GPC6: variants seen among roughly 807,000 people sequenced by gnomAD.
GPC6 encodes glypican-6.
A neutral mutation model predicts 55.2 loss-of-function variants in GPC6; 14 were observed. That is an observed-to-expected ratio of 0.25 (90% CI 0.17 to 0.40). GPC6 has a LOEUF of 0.40. Among genes scored for constraint, GPC6 ranks in the 10% least tolerant of loss-of-function variants. The pLI is 1.00. For missense variants in GPC6, 641 were observed against 708.5 expected (o/e 0.90, Z 1.08); for synonymous variants, 278 against 259.6 (o/e 1.07, Z -0.68).
Position 93,902,183 on chromosome 13 carries a change from T to A in GPC6, c.711+71638T>A, listed in dbSNP as rs9589865. ...CTTATCCCTCCAGCCTAACTGTAAC[T>A]TTGCACCCATTGACCAGTCTCTCCC... On this transcript the variant is annotated intron_variant, in intron 3 of 8. Transcript: ENST00000377047. 4.9e-3 allele frequency among the ~76,000 whole-genome samples: 747 copies of A among 152,246 alleles called. 10 individuals are homozygous for A. The highest frequency in any genetic ancestry group is 0.017 in the African/African-American group (715 of 41,552).
At chr13:93,364,012 T>A (rs9524018) in intron 1 of GPC6, among the ~76,000 whole-genome samples, 6 of 151,930 alleles carry the variant, frequency 3.9e-5, no homozygotes, top group Admixed American at 3.9e-4. Flanking sequence ...TTTGTTTGAG[T>A]TCATTGTAGA....
At chr13:93,417,091 A>G (rs1876727775) in intron 1 of GPC6, among the ~76,000 whole-genome samples, 3 of 152,108 alleles carry the variant, frequency 2.0e-5, no homozygotes. Context: ...TATTTTAGAA[A>G]CATATGTTTT....
intron 2 of GPC6, among the ~76,000 whole-genome samples, chr13:93,694,168 A>C (rs1882362599): frequency 6.6e-6 from 1 of 152,140 alleles, no homozygotes; most frequent in Non-Finnish European, 1.5e-5. Flanking sequence ...AACATGCAAC[A>C]TTCCCTGTTA....
intron 5 of GPC6, among the ~76,000 whole-genome samples, chr13:94,296,369 A>AAACACAATTCAGCTTT (rs1875335366): frequency 6.6e-6 from 1 of 152,234 alleles, no homozygotes; most frequent in South Asian, 2.1e-4. Flanking sequence ...TAAATGATTG[A>AAACACAATTCAGCTTT]AACACAATTC....
At chr13:93,328,106 T>G (rs1303005369) in intron 1 of GPC6, among the ~76,000 whole-genome samples, 1 of 152,198 alleles carries the variant, frequency 6.6e-6, no homozygotes, top group African/African-American at 2.4e-5. Flanking sequence ...TCTTGCATGA[T>G]TCTAGTAAAT....
intron 1 of GPC6, among the ~76,000 whole-genome samples, chr13:93,320,221 C>CT (rs1349811102): frequency 1.3e-5 from 2 of 152,002 alleles, no homozygotes; most frequent in Non-Finnish European, 2.9e-5. Context: ...TGCCTAATAC[C>CT]TTTAAAAAGT....
intron 1 of GPC6, among the ~76,000 whole-genome samples, chr13:93,511,204 C>T (rs1880958042): frequency 6.6e-6 from 1 of 150,406 alleles, no homozygotes; most frequent in Non-Finnish European, 1.5e-5. Context: ...AATTAAGTCC[C>T]TTTTGTCTCC....
chr13:94,306,291 G>A (rs1321922068), intron 6 of GPC6, 168 bp downstream of exon 6: 15 of 741,042 alleles, frequency 2.0e-5, no homozygotes, highest in Non-Finnish European at 3.3e-5. Flanking sequence ...TTTCTTTTGG[G>A]TCATGTATTG....
intron 4 of GPC6, among the ~76,000 whole-genome samples, chr13:94,147,367 T>C (rs1887599272): frequency 6.6e-6 from 1 of 152,172 alleles, no homozygotes; most frequent in South Asian, 2.1e-4. Flanking sequence ...GCATCATCAT[T>C]ACAGGATGTT....
chr13:93,438,490 G>A (rs1227541941), intron 1 of GPC6, among the ~76,000 whole-genome samples: 2 of 152,142 alleles, frequency 1.3e-5, no homozygotes, highest in Non-Finnish European at 2.9e-5. Flanking sequence ...CCTCATGGAT[G>A]ACTTAGGCGT....
At chr13:93,351,265 T>C (rs1880619545) in intron 1 of GPC6, among the ~76,000 whole-genome samples, 1 of 152,196 alleles carries the variant, frequency 6.6e-6, no homozygotes. Flanking sequence ...TAAGCTAATA[T>C]TATTATATTC....
intron 2 of GPC6, among the ~76,000 whole-genome samples, chr13:93,797,503 C>T (rs1353097125): frequency 6.6e-6 from 1 of 152,154 alleles, no homozygotes; most frequent in East Asian, 1.9e-4. Flanking sequence ...TTTTATGATT[C>T]TACTGGGCAC....
At chr13:93,549,197 C>T (rs1042391424) in intron 2 of GPC6, among the ~76,000 whole-genome samples, 1 of 152,112 alleles carries the variant, frequency 6.6e-6, no homozygotes, top group Non-Finnish European at 1.5e-5. Flanking sequence ...CACATTACTC[C>T]CTTCCTTCTC....
chr13:93,715,360 C>T (rs974049182), intron 2 of GPC6, among the ~76,000 whole-genome samples: 1 of 151,486 alleles, frequency 6.6e-6, no homozygotes, highest in African/African-American at 2.4e-5. Context: ...AATGCAGGAA[C>T]TGAAAACCAA....
intron 2 of GPC6, among the ~76,000 whole-genome samples, chr13:93,717,579 C>A (rs1883293801): frequency 6.6e-6 from 1 of 151,536 alleles, no homozygotes; most frequent in Non-Finnish European, 1.5e-5. Flanking sequence ...ATGCTGATTT[C>A]ACTCAGTTTA....
intron 1 of GPC6, among the ~76,000 whole-genome samples, chr13:93,296,596 C>G (rs1249225708): frequency 6.6e-6 from 1 of 152,066 alleles, no homozygotes; most frequent in African/African-American, 2.4e-5. Flanking sequence ...ACTGCCTTTC[C>G]CACCTTCCCT....
rs142306662 is a variant in GPC6, at chr13:93,866,087, T to C, written c.711+35542T>C. Among the ~76,000 whole-genome samples the C allele has an allele frequency of 3.1e-3, 473 of 151,822 alleles. 5 individuals carry two copies. The highest frequency in any genetic ancestry group is 0.011 in the African/African-American group (458 of 41,496). ...TGATGTGTCCAAAACCAAAGAGTGGTGGACTCTGCAAGTTTTGAAAAGCAG... is the reference window on the plus strand; with the variant it reads ...TGATGTGTCCAAAACCAAAGAGTGGCGGACTCTGCAAGTTTTGAAAAGCAG... On this transcript the variant is annotated intron_variant, in intron 3 of 8. Transcript: ENST00000377047.
intron 4 of GPC6, chr13:94,154,507 TA>T: frequency 6.6e-6 from 1 of 152,306 alleles, no homozygotes; most frequent in African/African-American, 2.4e-5. Context: ...CCACTGGGGC[TA>T]AAAACTTTGC....
rs145429215 is a variant in GPC6 at position 94,013,780 on chromosome 13, T to C, written c.712-13949T>C. Among the ~76,000 whole-genome samples, 5 of 152,350 alleles carry C rather than the reference T, an allele frequency of 3.3e-5. No individual in the cohort carries two copies. In the East Asian group the frequency reaches 9.7e-4, roughly 29 times the overall value. On this transcript the variant is annotated intron_variant, in intron 3 of 8. Transcript: ENST00000377047. ...AGACCTTAAATAATCTTATTTCCTA[T>C]GTCCTGCTTTTGTTGTGTAAGCGTT...
Sources: gnomAD v4.1 joint callset for allele counts (sites outside exome capture counted in the v4.1 genomes callset) on GRCh38, gnomAD v4.1.1 for gene constraint, MANE v1.5 for transcripts, NCBI Gene and HGNC (gene_info 2026-07-23, HGNC 2026-07-21) for gene names.